The following CACNB4 variants were observed in gnomAD, a reference collection of about 807,000 sequenced individuals.
The protein encoded by CACNB4 is calcium voltage-gated channel auxiliary subunit beta 4.
CACNB4 carries 32 observed loss-of-function variants against 71.2 expected under a neutral mutation model. The ratio of observed to expected loss-of-function variants is 0.45; its 90% CI spans 0.34 to 0.60. The LOEUF is 0.60. CACNB4 is among the 20% of genes least tolerant of loss of function. The probability of loss-of-function intolerance (pLI) is 0.01; values close to 1 mark genes in which losing one functional copy is unlikely to be tolerated. For missense variants in CACNB4, 464 were observed against 647.9 expected (o/e 0.72, Z 3.08); for synonymous variants, 231 against 236.9 (o/e 0.97, Z 0.23).
chr2:151,920,810 G>A (rs2099858791), intron 2 of CACNB4, among the ~76,000 whole-genome samples: 1 of 152,088 alleles, frequency 6.6e-6, no homozygotes, highest in African/African-American at 2.4e-5. Context: ...AGGATTTTGA[G>A]AGCTGCCTTA....
intron 2 of CACNB4, among the ~76,000 whole-genome samples, chr2:152,071,293 G>A (rs1030085768): frequency 4.6e-5 from 7 of 152,186 alleles, no homozygotes; most frequent in Admixed American, 1.3e-4. Context: ...CCCATCTGCT[G>A]AAGAGGATAT....
chr2:151,870,619 A>G lies in CACNB4; in HGVS notation c.619-8T>C. On this transcript the variant is annotated splice_polypyrimidine_tract_variant and splice_region_variant and intron_variant, in intron 7 of 13. Coordinates refer to ENST00000539935, the MANE Select transcript of CACNB4 (RefSeq NM_000726.5). ...AGGAGGAATGTGCTCCGTCTGAAAA[A>G]GATGATTCGACACGCGTGACAAGGT... 1 of 1,611,222 alleles carries G rather than the reference A, an allele frequency of 6.2e-7. No homozygotes were observed. The highest frequency in any genetic ancestry group is 1.7e-4 in the Middle Eastern group (1 of 6,056).
At chr2:151,902,998 C>G (rs1225238444) in intron 2 of CACNB4, among the ~76,000 whole-genome samples, 1 of 152,156 alleles carries the variant, frequency 6.6e-6, no homozygotes, top group Non-Finnish European at 1.5e-5. Flanking sequence ...CCAATTTCTC[C>G]TAGCAATTTG....
chr2:152,008,866 A>G (rs1000225977), intron 2 of CACNB4, among the ~76,000 whole-genome samples: 3 of 152,204 alleles, frequency 2.0e-5, no homozygotes, highest in African/African-American at 7.2e-5. Context: ...CAAGATCTCC[A>G]GTGAAGCGCT....
Position 152,098,765 on chromosome 2 carries a change from A to AGGAGGAGAAAGAGGAGGAGCG in CACNB4, c.63+163_63+183dup, listed in dbSNP as rs1688429808. The AGGAGGAGAAAGAGGAGGAGCG allele has an allele frequency of 7.7e-7, 1 of 1,292,980 alleles. No individual in the cohort carries two copies. The highest frequency in any genetic ancestry group is 1.5e-5 in the African/African-American group (1 of 66,622). 80.1% of individuals were successfully genotyped at this position (1,292,980 alleles called of 1,614,324 possible). On this transcript the variant is annotated intron_variant, in intron 1 of 13. Transcript: ENST00000539935. The surrounding 1 kb of genome is among the most constrained non-coding windows in gnomAD (Gnocchi z 5.3). ...GAGGGTGAGGAGGAGGAGGAAGAGA[A>AGGAGGAGAAAGAGGAGGAGCG]GGAGGAGAAAGAGGAGGAGCGGGAG...
At chr2:152,029,563 G>T (rs910458013) in intron 2 of CACNB4, among the ~76,000 whole-genome samples, 3 of 151,454 alleles carry the variant, frequency 2.0e-5, no homozygotes, top group Non-Finnish European at 4.4e-5. Flanking sequence ...TGCTCTCTCT[G>T]CCACATGAAG....
At position 151,836,002 on chromosome 2, in the gene CACNB4, A is replaced by G. The variant is rs2099834813; in HGVS notation, c.*3117T>C. On this transcript the variant is annotated 3_prime_UTR_variant, in exon 14 of 14. Coordinates refer to ENST00000539935, the MANE Select transcript of CACNB4 (RefSeq NM_000726.5). The stretch of plus-strand genomic sequence containing the variant: ...GTGAACAATTTCAACCTTCTCTCCA[A>G]TAGAACTGTATAAAGATAAGAGAGA... 1 of 151,882 alleles carries G rather than the reference A, an allele frequency of 6.6e-6. No individual in the cohort carries two copies. The highest frequency in any genetic ancestry group is 6.6e-5 in the Admixed American group (1 of 15,244). 9.4% of individuals were successfully genotyped at this position (151,882 alleles called of 1,614,324 possible). A position where few individuals can be genotyped will look rare whatever the true frequency, so the allele number is the denominator to read the frequency against.
At chr2:152,014,305 C>T (rs1443111546) in intron 2 of CACNB4, among the ~76,000 whole-genome samples, 1 of 152,178 alleles carries the variant, frequency 6.6e-6, no homozygotes, top group Non-Finnish European at 1.5e-5. Flanking sequence ...CAAGATCACA[C>T]CACTGCGCTC....
Position 152,009,201 on chromosome 2 carries a change from A to G in CACNB4, c.147+89129T>C, listed in dbSNP as rs192416087. On this transcript the variant is annotated intron_variant, in intron 2 of 13. Coordinates refer to ENST00000539935, the MANE Select transcript of CACNB4 (RefSeq NM_000726.5). ...GAGACCCTGTCTCAAAAAAAAAAAA[A>G]AAAGAAAGAAAGAAAGAAAGGAAAA... Among the ~76,000 whole-genome samples, 936 of 151,758 alleles carry G rather than the reference A, an allele frequency of 6.2e-3. 6 individuals are homozygous for G. The highest frequency in any genetic ancestry group is 0.021 in the African/African-American group (881 of 41,338).
chr2:151,864,556 T>A (rs910952794), intron 9 of CACNB4, among the ~76,000 whole-genome samples: 2 of 152,186 alleles, frequency 1.3e-5, no homozygotes, highest in Non-Finnish European at 2.9e-5. Context: ...TTTTGAAAAC[T>A]TCTGGTATTA....
chr2:151,905,878 C>G (rs539267882), intron 2 of CACNB4, among the ~76,000 whole-genome samples: 1 of 152,350 alleles, frequency 6.6e-6, no homozygotes, highest in East Asian at 1.9e-4. Flanking sequence ...GAATTCTCCA[C>G]TTCGTCTATC....
At chr2:151,871,995 C>T (rs2293220) in intron 6 of CACNB4, 11,063 of 201,674 alleles carry the variant, frequency 0.055, 623 homozygotes, top group African/African-American at 0.15. Flanking sequence ...TCTGCTTCAA[C>T]CCTTCCAGCT....
chr2:151,924,151 T>A (rs1012732481), intron 2 of CACNB4, among the ~76,000 whole-genome samples: 2 of 137,062 alleles, frequency 1.5e-5, no homozygotes, highest in Non-Finnish European at 3.1e-5. Flanking sequence ...CAATCTCGGC[T>A]CACTGCTAGC....
chr2:152,095,242 G>C (rs1468699909), intron 2 of CACNB4, among the ~76,000 whole-genome samples: 4 of 152,084 alleles, frequency 2.6e-5, no homozygotes, highest in African/African-American at 9.7e-5. Flanking sequence ...GTGGAAGCAG[G>C]CTCTCTTTCT....
chr2:152,056,429 C>T (rs6745978), intron 2 of CACNB4, among the ~76,000 whole-genome samples: 84,262 of 151,794 alleles, frequency 0.56, 25,648 homozygotes, highest in East Asian at 0.8. Context: ...TCAGTTTATC[C>T]GCTACAATTA....
rs552871169 is a variant in CACNB4 at position 151,837,618 on chromosome 2, T to G, written c.*1501A>C. 1.0e-4 allele frequency: 15 copies of G among 143,418 alleles called. No individual in the cohort carries two copies. The South Asian group carries it at 1.3e-3, about 12-fold the overall frequency. 8.9% of individuals were successfully genotyped at this position (143,418 alleles called of 1,614,324 possible). On this transcript the variant is annotated 3_prime_UTR_variant, in exon 14 of 14. Transcript: ENST00000539935. ...TGCACTATGGACATTTAGAAATAAG[T>G]TTTTTTTTTTAAAGACATTTGTGTA...
chr2:151,888,863 T>C (rs1353188113), intron 2 of CACNB4, among the ~76,000 whole-genome samples: 1 of 152,180 alleles, frequency 6.6e-6, no homozygotes, highest in Non-Finnish European at 1.5e-5. Flanking sequence ...GTAATGCTGA[T>C]ACTACTAAAC....
chr2:151,996,976 T>C (rs1028598941), intron 2 of CACNB4, among the ~76,000 whole-genome samples: 1 of 152,108 alleles, frequency 6.6e-6, no homozygotes, highest in Non-Finnish European at 1.5e-5. Context: ...GGTGTTCCAA[T>C]GGTTGTATAA....
chr2:151,964,870 T>G (rs2099870648), intron 2 of CACNB4, among the ~76,000 whole-genome samples: 1 of 152,200 alleles, frequency 6.6e-6, no homozygotes, highest in Admixed American at 6.5e-5. Context: ...TCTGTGTGCT[T>G]TCATTCCTTA....
Sources: gnomAD v4.1 joint callset for allele counts (sites outside exome capture counted in the v4.1 genomes callset) on GRCh38, gnomAD v4.1.1 for gene constraint, Gnocchi (gnomAD v3.1) non-coding constraint, MANE v1.5 for transcripts, NCBI Gene and HGNC (gene_info 2026-07-23, HGNC 2026-07-21) for gene names.